Variants in SLC39A11 observed in about 807,000 individuals in gnomAD.
SLC39A11 encodes solute carrier family 39 member 11.
SLC39A11 carries 33 observed loss-of-function variants against 36.1 expected under a neutral mutation model. The observed-to-expected ratio is 0.91, with a 90% CI of 0.69 to 1.22. SLC39A11 has a LOEUF of 1.22. Ranked by LOEUF, SLC39A11 falls within the 50% of genes most tolerant of loss-of-function variation. The probability of loss-of-function intolerance (pLI) is 0.00; values close to 1 mark genes in which losing one functional copy is unlikely to be tolerated. For synonymous variants in SLC39A11, 166 were observed against 170.3 expected, an observed-to-expected ratio of 0.97 and a Z score of 0.20; for missense variants, 432 against 430.3, an observed-to-expected ratio of 1.00 and a Z score of -0.03.
intron 7 of SLC39A11, among the ~76,000 whole-genome samples, chr17:72,679,054 G>A (rs2071399453): frequency 6.6e-6 from 1 of 152,154 alleles, no homozygotes; most frequent in Admixed American, 6.6e-5. Flanking sequence ...TCACTCATAG[G>A]TGGGAGCTAC....
intron 7 of SLC39A11, among the ~76,000 whole-genome samples, chr17:72,700,981 C>T (rs540774127): frequency 6.6e-6 from 1 of 152,352 alleles, no homozygotes; most frequent in African/African-American, 2.4e-5. Context: ...GGGAACATAG[C>T]CAAGCCATAT....
At chr17:73,087,194 T>C (rs1271402312) in intron 2 of SLC39A11, among the ~76,000 whole-genome samples, 3 of 152,200 alleles carry the variant, frequency 2.0e-5, no homozygotes, top group Non-Finnish European at 2.9e-5. Context: ...TATCTTGGCA[T>C]CTTATATACC....
chr17:73,056,741 A>G (rs9909683), intron 3 of SLC39A11, among the ~76,000 whole-genome samples: 126,826 of 151,946 alleles, frequency 0.83, 53,201 homozygotes, highest in East Asian at 0.94. Context: ...AGGGGTCTCC[A>G]TGAATCTATC....
At chr17:72,904,724 G>C (rs1319659169) in intron 5 of SLC39A11, among the ~76,000 whole-genome samples, 1 of 152,194 alleles carries the variant, frequency 6.6e-6, no homozygotes, top group Non-Finnish European at 1.5e-5. Context: ...CTCAGAGCGA[G>C]AATTACTTCA....
intron 3 of SLC39A11, among the ~76,000 whole-genome samples, chr17:73,057,097 C>A (rs1273294639): frequency 6.6e-6 from 1 of 152,098 alleles, no homozygotes; most frequent in Non-Finnish European, 1.5e-5. Flanking sequence ...AGTACAGGCA[C>A]CTGCAACCAT....
chr17:72,684,818 G>A (rs984488391), intron 7 of SLC39A11, among the ~76,000 whole-genome samples: 1 of 152,198 alleles, frequency 6.6e-6, no homozygotes, highest in Admixed American at 6.5e-5. Context: ...AAAGCATTTG[G>A]CTCTGCATTT....
At chr17:72,784,564 C>T (rs752008363) in intron 6 of SLC39A11, among the ~76,000 whole-genome samples, 21 of 152,090 alleles carry the variant, frequency 1.4e-4, no homozygotes, top group Admixed American at 7.2e-4. Context: ...TTGTAATGAC[C>T]GATGCTGGAG....
chr17:72,763,353 G>A (rs965328223), intron 6 of SLC39A11, among the ~76,000 whole-genome samples: 1 of 152,274 alleles, frequency 6.6e-6, no homozygotes, highest in South Asian at 2.1e-4. Context: ...AATTTCCTAT[G>A]GTCCAACCTA....
rs2075976775 is a variant in SLC39A11 at position 72,772,361 on chromosome 17, C to T, written c.602-35642G>A. Reference sequence around the variant, plus strand: ...TTAGCACAGTGGCGCACATCTGCACCCTTTATTTATCTCGATGTTTTATAT... The same window carrying T: ...TTAGCACAGTGGCGCACATCTGCACTCTTTATTTATCTCGATGTTTTATAT... On this transcript the variant is annotated intron_variant, in intron 6 of 9. Transcript: ENST00000255559. Among the ~76,000 whole-genome samples, 4 of 152,184 alleles carry T rather than the reference C, an allele frequency of 2.6e-5. No homozygotes were observed. The South Asian group carries it at 8.3e-4, about 32-fold the overall frequency.
rs1472147445 is a variant in SLC39A11, at chr17:73,043,243, A to G, written c.148-11529T>C. Among the ~76,000 whole-genome samples, 8 of 152,200 alleles carry G rather than the reference A, an allele frequency of 5.3e-5. 1 individual carries two copies. The highest frequency in any genetic ancestry group is 3.9e-4 in the Admixed American group (6 of 15,276). On this transcript the variant is annotated intron_variant, in intron 3 of 9. Coordinates refer to ENST00000255559, the MANE Select transcript of SLC39A11 (RefSeq NM_139177.4). ...GAAGCGCAGAGTGGGCAGAGTCTGG[A>G]GGCAAGTACACAGAGGCTTATGTTG...
intron 4 of SLC39A11, among the ~76,000 whole-genome samples, chr17:72,950,972 T>C (rs1219605250): frequency 6.6e-6 from 1 of 151,998 alleles, no homozygotes; most frequent in Non-Finnish European, 1.5e-5. Flanking sequence ...CAACAGAGAA[T>C]GAGCCAGGGC....
At chr17:72,774,414 A>C (rs551081158) in intron 6 of SLC39A11, among the ~76,000 whole-genome samples, 1 of 152,314 alleles carries the variant, frequency 6.6e-6, no homozygotes, top group African/African-American at 2.4e-5. Flanking sequence ...TAAATGCACT[A>C]GTTTCCAAGC....
At chr17:72,912,316 T>C (rs71380145) in intron 5 of SLC39A11, among the ~76,000 whole-genome samples, 77,503 of 151,408 alleles carry the variant, frequency 0.51, 19,777 homozygotes, top group African/African-American at 0.53. Context: ...GCAGGAGGCA[T>C]TACAACAGAA....
chr17:72,942,733 T>C lies in SLC39A11; in HGVS notation c.430+5019A>G, dbSNP rs142052381. 9.6e-3 allele frequency among the ~76,000 whole-genome samples: 1,463 copies of C among 152,246 alleles called. 29 individuals carry two copies. The highest frequency in any genetic ancestry group is 0.034 in the African/African-American group (1,397 of 41,528). On this transcript the variant is annotated intron_variant, in intron 5 of 9. Transcript: ENST00000255559. ...CAAGCAGTTTTAGCGCCAAGGAAAC[T>C]TGGGAGTGGAATGTACGTGGCTGAG...
intron 7 of SLC39A11, chr17:72,713,028 T>A (rs2073177766): frequency 6.6e-6 from 1 of 152,040 alleles, no homozygotes; most frequent in African/African-American, 2.4e-5. Flanking sequence ...TAAGGAAGGA[T>A]GGATTAGCAG....
intron 7 of SLC39A11, among the ~76,000 whole-genome samples, chr17:72,662,035 G>T (rs182607635): frequency 2.6e-4 from 39 of 152,312 alleles, no homozygotes; most frequent in African/African-American, 9.1e-4. Context: ...CTATGGGCTA[G>T]CCAAGTATGA....
chr17:72,978,545 T>G (rs2088038413), intron 4 of SLC39A11, among the ~76,000 whole-genome samples: 1 of 151,972 alleles, frequency 6.6e-6, no homozygotes, highest in African/African-American at 2.4e-5. Context: ...CGCACAGAGC[T>G]TCGGGAACTC....
At chr17:73,081,671 A>ATATATGTATATATGTATG (rs1568242973) in intron 3 of SLC39A11, among the ~76,000 whole-genome samples, 3 of 143,380 alleles carry the variant, frequency 2.1e-5, no homozygotes, top group Admixed American at 6.9e-5. Flanking sequence ...ACACACACAC[A>ATATATGTATATATGTATG]TATATATACA....
At chr17:72,830,114 T>C (rs1171157367) in intron 6 of SLC39A11, among the ~76,000 whole-genome samples, 2 of 152,162 alleles carry the variant, frequency 1.3e-5, no homozygotes. Flanking sequence ...TGCATACACA[T>C]GTGATTCCTC....
Sources: gnomAD v4.1 joint callset for allele counts (sites outside exome capture counted in the v4.1 genomes callset) on GRCh38, gnomAD v4.1.1 for gene constraint, MANE v1.5 for transcripts, NCBI Gene and HGNC (gene_info 2026-07-23, HGNC 2026-07-21) for gene names.